The following CRTAM variants were observed in gnomAD, a reference collection of about 807,000 sequenced individuals.
The protein encoded by CRTAM is cytotoxic and regulatory T-cell molecule.
In CRTAM, 44 loss-of-function variants were observed where a neutral mutation model predicts 50.0. The ratio of observed to expected loss-of-function variants is 0.88; its 90% CI spans 0.69 to 1.13. The LOEUF (loss-of-function observed/expected upper bound fraction) is 1.13, where lower values mean the gene tolerates loss of function less well. Ranked by LOEUF, CRTAM falls within the 50% of genes most tolerant of loss-of-function variation. The pLI is 0.00. For synonymous variants in CRTAM, 159 were observed against 169.3 expected (o/e 0.94, Z 0.47); for missense variants, 448 against 457.5 (o/e 0.98, Z 0.19).
Position 122,855,798 on chromosome 11 carries a change from C to T in CRTAM, c.594C>T (p.Ile198=), listed in dbSNP as rs371183140. 1.7e-4 allele frequency: 281 copies of T among 1,613,962 alleles called. 1 individual carries two copies. The highest frequency in any genetic ancestry group is 2.5e-4 in the Admixed American group (15 of 60,000). Residue 198 remains isoleucine (I), a synonymous_variant, in exon 5 of 10, where the codon ATC becomes ATT. Coordinates refer to ENST00000227348, the MANE Select transcript of CRTAM (RefSeq NM_019604.4). ...YGKNSTVDCI[I]RHRGLQGRKL... The stretch of plus-strand genomic sequence containing the variant: ...AAAATTCAACGGTGGACTGCATTAT[C>T]CGACACAGAGGCCTGCAAGGGAGAA...
At position 122,870,232 on chromosome 11, in the gene CRTAM, C is replaced by T. The variant is rs184223021; in HGVS notation, c.1052-1037C>T. ...AGTAGCTGGGACTACAGGCACGCAC[C>T]ACCACGCCCAGTTAATTTTTATATT... On this transcript the variant is annotated intron_variant, in intron 9 of 9. Transcript: ENST00000227348. Among the ~76,000 whole-genome samples the T allele has an allele frequency of 3.0e-3, 453 of 152,214 alleles. 4 individuals are homozygous for T. The highest frequency in any genetic ancestry group is 4.3e-3 in the Non-Finnish European group (290 of 68,008).
intron 5 of CRTAM, among the ~76,000 whole-genome samples, chr11:122,861,422 T>A (rs11218868): frequency 1.2e-3 from 36 of 29,500 alleles, no homozygotes; most frequent in Non-Finnish European, 1.6e-3. Context: ...ATATATATAT[T>A]TTTTTTTTTT....
At chr11:122,840,508 G>C (rs942714207) in intron 1 of CRTAM, among the ~76,000 whole-genome samples, 2 of 152,108 alleles carry the variant, frequency 1.3e-5, no homozygotes, top group African/African-American at 4.8e-5. Flanking sequence ...TCACAATTTG[G>C]AGGATTCAAT....
At chr11:122,862,948 G>T (rs1444948029) in intron 6 of CRTAM, among the ~76,000 whole-genome samples, 4 of 152,204 alleles carry the variant, frequency 2.6e-5, no homozygotes, top group Non-Finnish European at 5.9e-5. Flanking sequence ...TATCAACAAA[G>T]AGAAAAGAAG....
At position 122,864,675 on chromosome 11, in the gene CRTAM, A is replaced by T; in HGVS notation, c.773A>T (p.Lys258Met). ...TEDSSTSEID[K>M]EEKEQTTQDP... ...GATTCTAGTACATCGGAGATTGACAAGGAAGAGAAAGAACAAACCACTCAA... is the reference window on the plus strand; with the variant it reads ...GATTCTAGTACATCGGAGATTGACATGGAAGAGAAAGAACAAACCACTCAA... Residue 258 changes from lysine (K) to methionine (M), a missense_variant, in exon 7 of 10, where the codon AAG (lysine) becomes ATG (methionine). Lys to Met is a moderately conservative substitution (Grantham distance 95). Coordinates refer to ENST00000227348, the MANE Select transcript of CRTAM (RefSeq NM_019604.4). 6.2e-7 allele frequency: 1 copy of T among 1,613,894 alleles called. No individual in the cohort carries two copies.
At position 122,855,741 on chromosome 11, in the gene CRTAM, T is replaced by C; in HGVS notation, c.537T>C (p.Thr179=). 1 of 1,614,058 alleles carries C rather than the reference T, an allele frequency of 6.2e-7. No individual in the cohort carries two copies. Among genetic ancestry groups the C allele is most frequent in the Non-Finnish European group, 8.5e-7 (1 of 1,179,880 alleles). The change falls in exon 5 of 10, where the codon ACT becomes ACC. Residue 179 remains threonine (T), a synonymous_variant. Transcript: ENST00000227348. ...EFETDGKKCN[T]TSTLIIHTYG... Reference sequence around the variant, plus strand: ...AAACTGATGGGAAGAAATGTAATACTACCAGCACTCTCATAATCCACACTT... The same window carrying C: ...AAACTGATGGGAAGAAATGTAATACCACCAGCACTCTCATAATCCACACTT...
In CRTAM at chr11:122,838,647, A is replaced by C; in HGVS notation, c.46+55A>C. 3.3e-6 allele frequency: 5 copies of C among 1,528,608 alleles called. No individual in the cohort carries two copies. The South Asian group carries it at 5.6e-5, about 17-fold the overall frequency. The allele number at this position is 1,528,608 out of a possible 1,614,324, so 94.7% of individuals were successfully genotyped here. A position where few individuals can be genotyped will look rare whatever the true frequency, so the allele number is the denominator to read the frequency against. ...CTCAGCTGACTTAATGTTTTGCCAC[A>C]TCTACCTATCAGTCAGTCAACTGCA... On this transcript the variant is annotated intron_variant, in intron 1 of 9. Transcript: ENST00000227348.
At chr11:122,841,524 C>T (rs1861798696) in intron 1 of CRTAM, among the ~76,000 whole-genome samples, 1 of 151,862 alleles carries the variant, frequency 6.6e-6, no homozygotes, top group Non-Finnish European at 1.5e-5. Context: ...CCTCAGCCTC[C>T]CGAGTAGCTG....
chr11:122,839,758 G>A (rs1446694916), intron 1 of CRTAM, among the ~76,000 whole-genome samples: 1 of 152,120 alleles, frequency 6.6e-6, no homozygotes, highest in Admixed American at 6.5e-5. Context: ...TGAAACTGTA[G>A]TTCTGTTTCA....
At chr11:122,840,766 T>C (rs1359903307) in intron 1 of CRTAM, among the ~76,000 whole-genome samples, 2 of 152,100 alleles carry the variant, frequency 1.3e-5, no homozygotes, top group African/African-American at 2.4e-5. Context: ...TGTGACTACT[T>C]CTACAGTGTT....
At chr11:122,840,055 A>G (rs531479022) in intron 1 of CRTAM, among the ~76,000 whole-genome samples, 1 of 152,352 alleles carries the variant, frequency 6.6e-6, no homozygotes, top group African/African-American at 2.4e-5. Flanking sequence ...CAATTTTTCC[A>G]GAGTTTAAAG....
intron 1 of CRTAM, among the ~76,000 whole-genome samples, chr11:122,845,415 A>G (rs1861851107): frequency 6.6e-6 from 1 of 152,140 alleles, no homozygotes; most frequent in Admixed American, 6.5e-5. Flanking sequence ...TGTGTCAGTG[A>G]AAGAGAGGGA....
chr11:122,863,901 G>A (rs930387875), intron 6 of CRTAM, among the ~76,000 whole-genome samples: 2 of 151,770 alleles, frequency 1.3e-5, no homozygotes, highest in East Asian at 1.9e-4. Flanking sequence ...TTCCCCTCGG[G>A]GTCCACATAG....
At chr11:122,854,166 G>C (rs1861974027) in intron 4 of CRTAM, 80 bp downstream of exon 4, 2 of 1,431,506 alleles carry the variant, frequency 1.4e-6, no homozygotes, top group Non-Finnish European at 9.6e-7. Context: ...GCACCCTCTA[G>C]TGGCAGACAA....
chr11:122,868,222 G>A, intron 9 of CRTAM, 123 bp downstream of exon 9: 1 of 621,626 alleles, frequency 1.6e-6, no homozygotes, highest in Non-Finnish European at 2.9e-6. Context: ...GTGTGTGTGT[G>A]TGTGTGTGTG....
intron 7 of CRTAM, among the ~76,000 whole-genome samples, chr11:122,865,718 A>G (rs10750229): frequency 0.2 from 29,983 of 152,156 alleles, 3,206 homozygotes; most frequent in East Asian, 0.29. Context: ...AATACCAAAC[A>G]GCACCTTCTC....
chr11:122,855,746 G>A lies in CRTAM; in HGVS notation c.542G>A (p.Ser181Asn), dbSNP rs529604921. The stretch of plus-strand genomic sequence containing the variant: ...GATGGGAAGAAATGTAATACTACCA[G>A]CACTCTCATAATCCACACTTATGGC... The part of the protein sequence containing the change: ...ETDGKKCNTT[S>N]TLIIHTYGKN... The change falls in exon 5 of 10, where the codon AGC becomes AAC. Residue 181 changes from serine to asparagine, a missense_variant. Physicochemically the swap from Ser to Asn is conservative, Grantham distance 46. Coordinates refer to ENST00000227348, the MANE Select transcript of CRTAM (RefSeq NM_019604.4). 1.5e-5 allele frequency: 25 copies of A among 1,613,964 alleles called. No homozygotes were observed. In the South Asian group the frequency reaches 2.0e-4, roughly 13 times the overall value.
chr11:122,869,259 G>A (rs1157238189), intron 9 of CRTAM, among the ~76,000 whole-genome samples: 3 of 152,152 alleles, frequency 2.0e-5, no homozygotes, highest in East Asian at 1.9e-4. Flanking sequence ...ATAGAAGCAC[G>A]TCTTCCTCCA....
At position 122,839,477 on chromosome 11, in the gene CRTAM, A is replaced by G. The variant is rs115445348; in HGVS notation, c.46+885A>G. On this transcript the variant is annotated intron_variant, in intron 1 of 9. Transcript: ENST00000227348. ...AATGAAAACTTCGTGTTTATTTTTA[A>G]AGAGTAAGTTATACTTTACATTTTA... Among the ~76,000 whole-genome samples the G allele has an allele frequency of 2.2e-3, 336 of 152,334 alleles. 1 individual carries two copies. Among genetic ancestry groups the G allele is most frequent in the African/African-American group, 7.7e-3 (320 of 41,584 alleles).
Sources: allele counts gnomAD v4.1 joint callset (sites outside exome capture counted in the v4.1 genomes callset), GRCh38; gene constraint gnomAD v4.1.1; transcripts MANE v1.5; gene names NCBI Gene and HGNC (gene_info 2026-07-23, HGNC 2026-07-21).